Variants in TTC3 observed in about 807,000 individuals in gnomAD.
TTC3 encodes the protein E3 ubiquitin-protein ligase TTC3.
A neutral mutation model predicts 249.6 loss-of-function variants in TTC3; 180 were observed. The ratio of observed to expected loss-of-function variants is 0.72; its 90% CI spans 0.64 to 0.82. TTC3 has a LOEUF of 0.82. Ranked by LOEUF, TTC3 falls within the 40% of genes least tolerant of loss-of-function variation. The pLI, the probability that TTC3 is intolerant of heterozygous loss-of-function variation, is 0.00. For missense variants in TTC3, 2,061 were observed against 2,398.4 expected (o/e 0.86, Z 2.94); for synonymous variants, 717 against 805.0 (o/e 0.89, Z 1.85).
chr21:37,120,780 T>C (rs186282797), intron 11 of TTC3, among the ~76,000 whole-genome samples: 15 of 152,386 alleles, frequency 9.8e-5, no homozygotes, highest in East Asian at 9.6e-4. Context: ...TAATTGTTTC[T>C]GGCTTCTTGT....
chr21:37,116,162 T>C (rs1448681735), intron 11 of TTC3, among the ~76,000 whole-genome samples: 1 of 152,236 alleles, frequency 6.6e-6, no homozygotes. Flanking sequence ...CACTCATTAG[T>C]AAATAATTGT....
At chr21:37,200,473 T>A in intron 45 of TTC3, 149 bp downstream of exon 45, 1 of 823,222 alleles carries the variant, frequency 1.2e-6, no homozygotes, top group Non-Finnish European at 1.9e-6. Context: ...GTTCAGTGCC[T>A]CCCTGTCCTC....
chr21:37,152,977 C>A, exon 27 of TTC3: 3 of 1,604,660 alleles, frequency 1.9e-6, no homozygotes, highest in South Asian at 1.1e-5. Flanking sequence ...TCAGCGTTGT[C>A]AGTTCCTTGA....
At chr21:37,177,051 G>A (rs1480244992) in intron 35 of TTC3, among the ~76,000 whole-genome samples, 1 of 152,044 alleles carries the variant, frequency 6.6e-6, no homozygotes, top group Non-Finnish European at 1.5e-5. Context: ...GCTTGGGCTC[G>A]GCTGGGTCAG....
At chr21:37,073,719 T>C (rs1470118242) in intron 1 of TTC3, among the ~76,000 whole-genome samples, 1 of 152,006 alleles carries the variant, frequency 6.6e-6, no homozygotes, top group Non-Finnish European at 1.5e-5. Context: ...ACACCTCCGC[T>C]GGGTGGAGGC....
At chr21:37,090,156 T>C (rs2073061990) in intron 5 of TTC3, 77 bp from the exon 6 acceptor site, 2 of 1,085,790 alleles carry the variant, frequency 1.8e-6, no homozygotes, top group African/African-American at 3.1e-5. Context: ...TCCTAAAATG[T>C]AGGCCATTTT....
At chr21:37,144,711 A>G (rs764176) in intron 21 of TTC3, 66 bp downstream of exon 21, 35,867 of 1,557,912 alleles carry the variant, frequency 0.023, 488 homozygotes, top group Non-Finnish European at 0.026. Context: ...TGACTCAGGT[A>G]TCAGGAGGCG....
chr21:37,088,741 T>G (rs2072858712), intron 4 of TTC3, 58 bp from the exon 5 acceptor site: 2 of 1,476,668 alleles, frequency 1.4e-6, no homozygotes, highest in African/African-American at 2.8e-5. Context: ...AAGCATAAAG[T>G]TCAATGAATT....
chr21:37,166,446 T>G (rs758800206), exon 33 of TTC3: 1 of 1,614,190 alleles, frequency 6.2e-7, no homozygotes. Flanking sequence ...GAGGGCTCTT[T>G]GGGAATATCT....
intron 1 of TTC3, among the ~76,000 whole-genome samples, chr21:37,074,724 A>G (rs917287092): frequency 3.9e-5 from 6 of 152,232 alleles, no homozygotes; most frequent in Non-Finnish European, 8.8e-5. Context: ...TACCTAGGGT[A>G]AGAAACTTCA....
At chr21:37,102,618 A>G (rs1476829720) in intron 10 of TTC3, among the ~76,000 whole-genome samples, 1 of 152,192 alleles carries the variant, frequency 6.6e-6, no homozygotes, top group African/African-American at 2.4e-5. Context: ...CTTTTGCACC[A>G]ACCTAATAAT....
intron 36 of TTC3, among the ~76,000 whole-genome samples, chr21:37,183,212 C>G (rs138577826): frequency 6.6e-6 from 1 of 152,122 alleles, no homozygotes; most frequent in Non-Finnish European, 1.5e-5. Context: ...CTCTGGCCCT[C>G]TTTTTTCTTA....
At chr21:37,147,587 C>T in exon 22 of TTC3, 1 of 1,603,352 alleles carries the variant, frequency 6.2e-7, no homozygotes, top group South Asian at 1.1e-5. Context: ...ATATACATAA[C>T]TGATCCAGAC....
chr21:37,091,478 A>C, intron 7 of TTC3, 65 bp downstream of exon 7: 1 of 1,454,106 alleles, frequency 6.9e-7, no homozygotes, highest in Admixed American at 2.5e-5. Context: ...AAAATGAGAT[A>C]TGTAGTTAAG....
At chr21:37,074,416 G>A (rs1195497279) in intron 1 of TTC3, among the ~76,000 whole-genome samples, 1 of 152,192 alleles carries the variant, frequency 6.6e-6, no homozygotes, top group Non-Finnish European at 1.5e-5. Flanking sequence ...GTGGCGCCCT[G>A]GACGCCAAAA....
chr21:37,163,834 G>C (rs1174768908), intron 31 of TTC3, among the ~76,000 whole-genome samples: 1 of 152,174 alleles, frequency 6.6e-6, no homozygotes, highest in South Asian at 2.1e-4. Context: ...ATAATTGAAA[G>C]TGCTTACTTA....
chr21:37,171,681 A>C (rs2081803757), intron 34 of TTC3, among the ~76,000 whole-genome samples: 1 of 152,242 alleles, frequency 6.6e-6, no homozygotes, highest in Non-Finnish European at 1.5e-5. Flanking sequence ...TTAGTTAAGC[A>C]TGGACTCTAT....
At chr21:37,109,688 C>T (rs562347485) in intron 11 of TTC3, among the ~76,000 whole-genome samples, 1 of 152,378 alleles carries the variant, frequency 6.6e-6, no homozygotes, top group South Asian at 2.1e-4. Flanking sequence ...TTAAATGTCC[C>T]TGTCTGACAG....
intron 28 of TTC3, 188 bp from the exon 29 acceptor site, chr21:37,159,511 T>C (rs1344814786): frequency 1.7e-6 from 1 of 578,148 alleles, no homozygotes; most frequent in Non-Finnish European, 3.0e-6. Context: ...TTATGGTTCT[T>C]TGTAGTTGGT....
Sources: allele counts gnomAD v4.1 joint callset (sites outside exome capture counted in the v4.1 genomes callset), GRCh38; gene constraint gnomAD v4.1.1; transcripts MANE v1.5; gene names NCBI Gene and HGNC (gene_info 2026-07-23, HGNC 2026-07-21).